The following SDK1 variants were observed in gnomAD, a reference collection of about 807,000 sequenced individuals.
SDK1 encodes protein sidekick-1.
A neutral mutation model predicts 245.5 loss-of-function variants in SDK1; 157 were observed. The observed-to-expected ratio is 0.64, with a 90% CI of 0.56 to 0.73. The LOEUF is 0.73. SDK1 is among the 30% of genes least tolerant of loss of function. SDK1 has a pLI of 0.00. For missense variants in SDK1, 3,583 were observed against 3,002.3 expected (o/e 1.19, Z -4.52); for synonymous variants, 1,647 against 1,278.5 (o/e 1.29, Z -6.15).
intron 8 of SDK1, among the ~76,000 whole-genome samples, chr7:3,959,726 G>T (rs1781528535): frequency 6.6e-6 from 1 of 152,142 alleles, no homozygotes; most frequent in Admixed American, 6.5e-5. Flanking sequence ...GTGCCATCCA[G>T]GTTGCTGCAA....
rs1446118310 is a variant in SDK1, at chr7:3,822,619, A to C, written c.847+1036A>C. The stretch of plus-strand genomic sequence containing the variant: ...ACCCTGTCTCTACAAAAAATGCAAA[A>C]TTAGCAGGCATGGTGGTATGCACCT... On this transcript the variant is annotated intron_variant, in intron 5 of 44. Coordinates refer to ENST00000404826, the MANE Select transcript of SDK1 (RefSeq NM_152744.4). Among the ~76,000 whole-genome samples, 3 of 152,074 alleles carry C rather than the reference A, an allele frequency of 2.0e-5. No homozygotes were observed. In the East Asian group the frequency reaches 5.8e-4, roughly 29 times the overall value.
chr7:3,455,486 TC>T (rs768210164), intron 1 of SDK1, among the ~76,000 whole-genome samples: 1 of 152,166 alleles, frequency 6.6e-6, no homozygotes, highest in Non-Finnish European at 1.5e-5. Context: ...GATTCATTTT[TC>T]TTTTTAATTG....
chr7:3,783,284 C>T (rs1157508659), intron 4 of SDK1, among the ~76,000 whole-genome samples: 3 of 152,092 alleles, frequency 2.0e-5, no homozygotes, highest in African/African-American at 4.8e-5. Flanking sequence ...AAATTGAAAG[C>T]CTTTCCTCTG....
At chr7:4,196,153 A>T (rs1783564332) in intron 35 of SDK1, among the ~76,000 whole-genome samples, 1 of 152,062 alleles carries the variant, frequency 6.6e-6, no homozygotes, top group Admixed American at 6.5e-5. Flanking sequence ...ATTATGGGGG[A>T]TGTGACTTAA....
chr7:4,041,907 A>T (rs573252299), intron 17 of SDK1, among the ~76,000 whole-genome samples: 1 of 134,390 alleles, frequency 7.4e-6, no homozygotes, highest in Admixed American at 6.9e-5. Flanking sequence ...TCCGCCTCCC[A>T]GGTTCGAGCA....
chr7:4,161,416 A>T (rs540114656), intron 31 of SDK1, among the ~76,000 whole-genome samples: 377 of 152,132 alleles, frequency 2.5e-3, no homozygotes, highest in Non-Finnish European at 4.4e-3. Context: ...TAGGTATCTT[A>T]AAAAAAAGAG....
intron 4 of SDK1, among the ~76,000 whole-genome samples, chr7:3,755,018 G>C (rs1779880450): frequency 6.6e-6 from 1 of 152,184 alleles, no homozygotes; most frequent in Non-Finnish European, 1.5e-5. Flanking sequence ...TGCTTCTGTG[G>C]AAATAAACAA....
At chr7:3,653,498 G>A (rs1387522931) in intron 4 of SDK1, among the ~76,000 whole-genome samples, 2 of 152,142 alleles carry the variant, frequency 1.3e-5, no homozygotes, top group Non-Finnish European at 2.9e-5. Context: ...CAGTGTTAGA[G>A]TAGATGGTAA....
Position 3,680,251 on chromosome 7 carries a change from C to T in SDK1, c.713+38146C>T, listed in dbSNP as rs545284401. Among the ~76,000 whole-genome samples, 7 of 152,192 alleles carry T rather than the reference C, an allele frequency of 4.6e-5. No individual in the cohort carries two copies. The South Asian group carries it at 8.3e-4, about 18-fold the overall frequency. On this transcript the variant is annotated intron_variant, in intron 4 of 44. Coordinates refer to ENST00000404826, the MANE Select transcript of SDK1 (RefSeq NM_152744.4). ...TTGCATTCTCAAAATGACTCAATTA[C>T]GGAGATGGAGAAAATATTAATGGTC...
chr7:4,074,991 C>T (rs1429733109), intron 20 of SDK1, among the ~76,000 whole-genome samples: 1 of 148,376 alleles, frequency 6.7e-6, no homozygotes, highest in Non-Finnish European at 1.5e-5. Flanking sequence ...GGGTAGTCGG[C>T]CTTCTCCCCT....
At chr7:3,670,265 A>G (rs764814610) in intron 4 of SDK1, among the ~76,000 whole-genome samples, 6 of 152,212 alleles carry the variant, frequency 3.9e-5, no homozygotes, top group Non-Finnish European at 7.3e-5. Context: ...CTTAATATAA[A>G]CAGCAGGGTT....
intron 4 of SDK1, among the ~76,000 whole-genome samples, chr7:3,656,307 T>C (rs570552056): frequency 1.1e-4 from 17 of 152,318 alleles, no homozygotes; most frequent in African/African-American, 4.1e-4. Context: ...GTGTATCTGC[T>C]AGATAGTTTG....
intron 5 of SDK1, among the ~76,000 whole-genome samples, chr7:3,879,054 C>A (rs938833085): frequency 9.9e-5 from 15 of 152,126 alleles, no homozygotes; most frequent in African/African-American, 3.4e-4. Context: ...TCAGTAATTT[C>A]TTGGGAGAAG....
chr7:4,163,441 A>C (rs1428286750), intron 32 of SDK1, among the ~76,000 whole-genome samples: 3 of 152,170 alleles, frequency 2.0e-5, no homozygotes, highest in Admixed American at 2.0e-4. Flanking sequence ...CCGCCGGTGC[A>C]GGGGAGGCAG....
At chr7:3,364,927 CA>C (rs1781050046) in intron 1 of SDK1, among the ~76,000 whole-genome samples, 3 of 152,164 alleles carry the variant, frequency 2.0e-5, no homozygotes, top group Admixed American at 2.0e-4. Flanking sequence ...TTGTTTACAT[CA>C]TTGATTTCTT....
intron 1 of SDK1, among the ~76,000 whole-genome samples, chr7:3,544,320 G>C (rs1779149210): frequency 6.6e-6 from 1 of 152,196 alleles, no homozygotes; most frequent in Non-Finnish European, 1.5e-5. Context: ...AACATATTTT[G>C]TCAGAGAAAG....
chr7:4,240,257 G>A (rs763790493), intron 42 of SDK1, among the ~76,000 whole-genome samples: 16 of 152,066 alleles, frequency 1.1e-4, no homozygotes, highest in Admixed American at 5.9e-4. Context: ...ATGCTCAGCC[G>A]CACCCTGGAG....
chr7:3,621,876 C>G lies in SDK1; in HGVS notation c.458+2637C>G, dbSNP rs113997085. ...GAATATACAGAGGGTCCCCAACTTA[C>G]GATGGTTCAACTTAACAATTTTTTG... On this transcript the variant is annotated intron_variant, in intron 2 of 44. Coordinates refer to ENST00000404826, the MANE Select transcript of SDK1 (RefSeq NM_152744.4). Among the ~76,000 whole-genome samples, 595 of 152,312 alleles carry G rather than the reference C, an allele frequency of 3.9e-3. 2 individuals are homozygous for G. Among genetic ancestry groups the G allele is most frequent in the African/African-American group, 0.013 (557 of 41,562 alleles).
intron 1 of SDK1, among the ~76,000 whole-genome samples, chr7:3,606,062 G>T (rs1053100549): frequency 2.0e-5 from 3 of 152,128 alleles, no homozygotes; most frequent in Non-Finnish European, 2.9e-5. Context: ...TAACAGCTCT[G>T]TGTGGATGTC....
Sources: gnomAD v4.1 joint callset for allele counts (sites outside exome capture counted in the v4.1 genomes callset) on GRCh38, gnomAD v4.1.1 for gene constraint, MANE v1.5 for transcripts, NCBI Gene and HGNC (gene_info 2026-07-23, HGNC 2026-07-21) for gene names.